PTPN4: variants seen among roughly 807,000 people sequenced by gnomAD.
The protein encoded by PTPN4 is tyrosine-protein phosphatase non-receptor type 4.
In PTPN4, 49 loss-of-function variants were observed where a neutral mutation model predicts 135.5. The ratio of observed to expected loss-of-function variants is 0.36; its 90% CI spans 0.29 to 0.46. The LOEUF is 0.46. Among genes scored for constraint, PTPN4 ranks in the 20% least tolerant of loss-of-function variants. The probability of loss-of-function intolerance (pLI) is 1.00; values close to 1 mark genes in which losing one functional copy is unlikely to be tolerated. For synonymous variants in PTPN4, 333 were observed against 369.9 expected (o/e 0.90, Z 1.14); for missense variants, 860 against 1,101.0 (o/e 0.78, Z 3.10).
rs55911315 is a variant in PTPN4 at position 119,914,248 on chromosome 2, A to ATTTTTT, written c.765-908_765-903dup. On this transcript the variant is annotated intron_variant, in intron 10 of 26. Coordinates refer to ENST00000263708, the MANE Select transcript of PTPN4 (RefSeq NM_002830.4). Reference sequence around the variant, plus strand: ...CATAAATACAGTCAATAGTTACTCAATTTTTTTTTTTTTTTTTTTTTTTTT... The same window carrying ATTTTTT: ...CATAAATACAGTCAATAGTTACTCAATTTTTTTTTTTTTTTTTTTTTTTTTTTTTTT... Among the ~76,000 whole-genome samples the ATTTTTT allele has an allele frequency of 4.3e-3, 415 of 97,354 alleles. 36 individuals are homozygous for ATTTTTT. The highest frequency in any genetic ancestry group is 0.021 in the African/African-American group (361 of 17,000). 63.9% of individuals were successfully genotyped at this position (97,354 alleles called of 152,430 possible). A position where few individuals can be genotyped will look rare whatever the true frequency, so the allele number is the denominator to read the frequency against.
intron 9 of PTPN4, among the ~76,000 whole-genome samples, chr2:119,895,967 G>T (rs1338581522): frequency 6.6e-6 from 1 of 151,466 alleles, no homozygotes; most frequent in East Asian, 1.9e-4. Flanking sequence ...AAGAGAAAGT[G>T]AAATGAACAA....
At chr2:119,892,033 G>A (rs964560474) in intron 9 of PTPN4, among the ~76,000 whole-genome samples, 3 of 152,142 alleles carry the variant, frequency 2.0e-5, no homozygotes, top group African/African-American at 4.8e-5. Context: ...TATAGATATC[G>A]TAGACATAGC....
intron 11 of PTPN4, among the ~76,000 whole-genome samples, chr2:119,919,823 C>CAAAA (rs768606079): frequency 1.5e-4 from 10 of 64,706 alleles, no homozygotes; most frequent in Non-Finnish European, 2.3e-4. Flanking sequence ...GACTGTGTCT[C>CAAAA]AAAAAAAAAA....
intron 23 of PTPN4, 133 bp downstream of exon 23, chr2:119,961,086 AATC>A (rs1430735184): frequency 1.8e-6 from 2 of 1,120,228 alleles, no homozygotes; most frequent in Non-Finnish European, 2.5e-6. Flanking sequence ...TCTTGTTTTA[AATC>A]ATCATGTTTA....
chr2:119,904,468 A>T (rs937662060), intron 10 of PTPN4, among the ~76,000 whole-genome samples: 7 of 152,190 alleles, frequency 4.6e-5, no homozygotes, highest in Non-Finnish European at 1.0e-4. Flanking sequence ...AGGCATAAAA[A>T]AAAAACCTAT....
chr2:119,909,283 G>T (rs1239520972), intron 10 of PTPN4, among the ~76,000 whole-genome samples: 1 of 152,130 alleles, frequency 6.6e-6, no homozygotes, highest in Non-Finnish European at 1.5e-5. Flanking sequence ...TCTTGTTGCG[G>T]AATAAAGTTG....
At chr2:119,783,336 G>A (rs186680651) in intron 1 of PTPN4, among the ~76,000 whole-genome samples, 15 of 152,258 alleles carry the variant, frequency 9.9e-5, no homozygotes, top group Admixed American at 7.8e-4. Flanking sequence ...CATGAGCAGG[G>A]TTATTCTCTC....
At chr2:119,885,170 GTTAC>G (rs1678137988) in intron 8 of PTPN4, among the ~76,000 whole-genome samples, 1 of 152,020 alleles carries the variant, frequency 6.6e-6, no homozygotes, top group Non-Finnish European at 1.5e-5. Flanking sequence ...TCATTATTGT[GTTAC>G]TTATATTTTG....
At chr2:119,969,449 C>T (rs1456393428) in intron 26 of PTPN4, among the ~76,000 whole-genome samples, 1 of 151,196 alleles carries the variant, frequency 6.6e-6, no homozygotes, top group African/African-American at 2.4e-5. Flanking sequence ...TCCTAGATAT[C>T]ATATCATTTT....
intron 10 of PTPN4, 149 bp from the exon 11 acceptor site, chr2:119,915,030 A>C: frequency 1.6e-6 from 1 of 616,078 alleles, no homozygotes. Flanking sequence ...TGAAGCAAGA[A>C]AAACTTTCAA....
intron 2 of PTPN4, among the ~76,000 whole-genome samples, chr2:119,835,863 A>G (rs1207193301): frequency 6.6e-6 from 1 of 151,988 alleles, no homozygotes; most frequent in Non-Finnish European, 1.5e-5. Context: ...AGGTCAAGAG[A>G]TCGAAACCAT....
rs922150251 is a variant in PTPN4, at chr2:119,973,670, T to G, written c.2695-3314T>G. Among the ~76,000 whole-genome samples, 8 of 139,226 alleles carry G rather than the reference T, an allele frequency of 5.7e-5. No homozygotes were observed. In the South Asian group the frequency reaches 1.6e-3, roughly 27 times the overall value. 91.3% of individuals were successfully genotyped at this position (139,226 alleles called of 152,430 possible). On this transcript the variant is annotated intron_variant, in intron 26 of 26. Transcript: ENST00000263708. ...TTCATTTCTTGTTTTTTTTTTTTTT[T>G]TTTTTTTTTTTTGGTAATTTACTTG...
At chr2:119,763,120 T>C (rs920356045) in intron 1 of PTPN4, among the ~76,000 whole-genome samples, 2 of 152,170 alleles carry the variant, frequency 1.3e-5, no homozygotes, top group African/African-American at 2.4e-5. Context: ...ATTTCTTATC[T>C]TTTGCATGAA....
chr2:119,928,144 T>G (rs180870293), intron 13 of PTPN4, among the ~76,000 whole-genome samples: 93 of 152,332 alleles, frequency 6.1e-4, no homozygotes, highest in African/African-American at 2.1e-3. Context: ...TTGTTTGTTT[T>G]TATCATCTAG....
At chr2:119,884,761 G>A (rs1423902462) in intron 8 of PTPN4, among the ~76,000 whole-genome samples, 2 of 152,142 alleles carry the variant, frequency 1.3e-5, no homozygotes, top group African/African-American at 2.4e-5. Context: ...TAACTGGAGG[G>A]AGTATATATT....
chr2:119,920,453 T>C (rs1678719799), intron 12 of PTPN4, among the ~76,000 whole-genome samples: 1 of 152,218 alleles, frequency 6.6e-6, no homozygotes, highest in South Asian at 2.1e-4. Context: ...TTCTGTGTTC[T>C]GTATTTGCTG....
chr2:119,918,791 A>G (rs1678695473), intron 11 of PTPN4, among the ~76,000 whole-genome samples: 1 of 152,244 alleles, frequency 6.6e-6, no homozygotes, highest in African/African-American at 2.4e-5. Flanking sequence ...AGGAATATGC[A>G]TGGCTGCATT....
chr2:119,800,135 T>C (rs1294267152), intron 1 of PTPN4, among the ~76,000 whole-genome samples: 1 of 152,310 alleles, frequency 6.6e-6, no homozygotes, highest in East Asian at 1.9e-4. Flanking sequence ...CTTTTAATTC[T>C]AAGAGGATGC....
intron 1 of PTPN4, among the ~76,000 whole-genome samples, chr2:119,782,476 T>A (rs1234361042): frequency 6.6e-6 from 1 of 152,088 alleles, no homozygotes; most frequent in African/African-American, 2.4e-5. Context: ...AAATGTTTAG[T>A]CATCCTATGT....
Sources: gnomAD v4.1 joint callset for allele counts (sites outside exome capture counted in the v4.1 genomes callset) on GRCh38, gnomAD v4.1.1 for gene constraint, MANE v1.5 for transcripts, NCBI Gene and HGNC (gene_info 2026-07-23, HGNC 2026-07-21) for gene names.